HACD2: variants seen among roughly 807,000 people sequenced by gnomAD.
HACD2 encodes the protein very-long-chain (3R)-3-hydroxyacyl-CoA dehydratase 2.
Under a neutral mutation model 31.0 loss-of-function variants are expected in HACD2, and 15 were observed. The observed-to-expected ratio is 0.48, with a 90% CI of 0.32 to 0.75. The LOEUF (loss-of-function observed/expected upper bound fraction) is 0.75, where lower values mean the gene tolerates loss of function less well. Ranked by LOEUF, HACD2 falls within the 30% of genes least tolerant of loss-of-function variation. The pLI is 0.03. For synonymous variants in HACD2, 115 were observed against 122.2 expected (o/e 0.94, Z 0.39); for missense variants, 283 against 313.0 (o/e 0.90, Z 0.72).
chr3:123,529,608 G>A (rs541077773), intron 3 of HACD2, among the ~76,000 whole-genome samples: 1 of 152,174 alleles, frequency 6.6e-6, no homozygotes, highest in East Asian at 1.9e-4. Context: ...TACGCCTCTA[G>A]TACCAGTTCT....
intron 4 of HACD2, among the ~76,000 whole-genome samples, chr3:123,517,433 T>A (rs141517177): frequency 6.6e-6 from 1 of 152,336 alleles, no homozygotes; most frequent in East Asian, 1.9e-4. Flanking sequence ...ACACAGACAC[T>A]GCATCAGAAT....
chr3:123,535,492 T>G lies in HACD2; in HGVS notation c.293-7018A>C, dbSNP rs116838200. Among the ~76,000 whole-genome samples, 1,421 of 152,340 alleles carry G rather than the reference T, an allele frequency of 9.3e-3. 13 individuals are homozygous for G. Among genetic ancestry groups the G allele is most frequent in the Middle Eastern group, 0.037 (11 of 294 alleles). On this transcript the variant is annotated intron_variant, in intron 3 of 6. Coordinates refer to ENST00000383657, the MANE Select transcript of HACD2 (RefSeq NM_198402.5). ...CCAAAAAGCAATAGGTACAACTTAA[T>G]GCCATGTATTTTAAAACATGCTAGT...
At chr3:123,563,652 C>T (rs1462077194) in intron 3 of HACD2, among the ~76,000 whole-genome samples, 4 of 61,140 alleles carry the variant, frequency 6.5e-5, no homozygotes, top group Admixed American at 1.8e-4. Flanking sequence ...TATACACACA[C>T]ACACACACAC....
rs950303724 is a variant in HACD2, at chr3:123,493,167, A to T, written c.*1721T>A. The T allele has an allele frequency of 1.4e-4, 21 of 152,244 alleles. No homozygotes were observed. The highest frequency in any genetic ancestry group is 4.3e-4 in the African/African-American group (18 of 41,458). 9.4% of individuals were successfully genotyped at this position (152,244 alleles called of 1,614,324 possible). A position where few individuals can be genotyped will look rare whatever the true frequency, so the allele number is the denominator to read the frequency against. On this transcript the variant is annotated 3_prime_UTR_variant, in exon 7 of 7. Transcript: ENST00000383657. ...CAGGAGATCAAGACCATCCTGGCTA[A>T]CACGGTGAAACCCCGTCTCTACTAA...
intron 3 of HACD2, among the ~76,000 whole-genome samples, chr3:123,552,579 AAAG>A (rs1423035585): frequency 6.6e-6 from 1 of 152,234 alleles, no homozygotes; most frequent in Non-Finnish European, 1.5e-5. Context: ...GAAAATAGAA[AAAG>A]AAGATCAAAA....
chr3:123,548,869 C>T (rs2056588876), intron 3 of HACD2, among the ~76,000 whole-genome samples: 1 of 151,826 alleles, frequency 6.6e-6, no homozygotes, highest in Non-Finnish European at 1.5e-5. Context: ...AAGTGATCCT[C>T]CAGCTTTGGC....
chr3:123,543,056 T>C (rs1262653154), intron 3 of HACD2, among the ~76,000 whole-genome samples: 2 of 152,192 alleles, frequency 1.3e-5, no homozygotes, highest in South Asian at 2.1e-4. Flanking sequence ...GTTGGGAATA[T>C]TACATTCCAG....
intron 1 of HACD2, among the ~76,000 whole-genome samples, chr3:123,582,825 C>T (rs1049722989): frequency 2.0e-5 from 3 of 151,410 alleles, no homozygotes; most frequent in Admixed American, 6.6e-5. Context: ...TTTAAAATTA[C>T]GAATAAAGGG....
intron 2 of HACD2, among the ~76,000 whole-genome samples, chr3:123,570,947 C>CACACAT (rs1553763412): frequency 2.0e-5 from 3 of 147,486 alleles, no homozygotes; most frequent in Non-Finnish European, 4.5e-5. Context: ...CACACACATA[C>CACACAT]ACACACACAC....
rs2055765473 is a variant in HACD2 at position 123,491,790 on chromosome 3, G to GA, written c.*3097dup. On this transcript the variant is annotated 3_prime_UTR_variant, in exon 7 of 7. Transcript: ENST00000383657. ...TTACAATTTTGGTTTTCACAACATAGAAAAAATACAAAAATGACTATATAT... is the reference window on the plus strand; with the variant it reads ...TTACAATTTTGGTTTTCACAACATAGAAAAAAATACAAAAATGACTATATAT... 6.6e-6 allele frequency: 1 copy of GA among 152,358 alleles called. No homozygotes were observed. Among genetic ancestry groups the GA allele is most frequent in the Admixed American group, 6.6e-5 (1 of 15,262 alleles). 9.4% of individuals were successfully genotyped at this position (152,358 alleles called of 1,614,324 possible). A position where few individuals can be genotyped will look rare whatever the true frequency, so the allele number is the denominator to read the frequency against.
At chr3:123,548,654 G>T (rs917017439) in intron 3 of HACD2, among the ~76,000 whole-genome samples, 8 of 151,942 alleles carry the variant, frequency 5.3e-5, no homozygotes, top group Non-Finnish European at 7.4e-5. Flanking sequence ...ATGGGGTCTC[G>T]CTTGTCACTT....
At chr3:123,513,180 G>T (rs1324753140) in intron 4 of HACD2, among the ~76,000 whole-genome samples, 1 of 152,148 alleles carries the variant, frequency 6.6e-6, no homozygotes, top group Non-Finnish European at 1.5e-5. Context: ...ATAACCCATT[G>T]AATTATACAG....
chr3:123,577,841 C>A (rs1213425594), intron 2 of HACD2, among the ~76,000 whole-genome samples: 1 of 152,000 alleles, frequency 6.6e-6, no homozygotes, highest in South Asian at 2.1e-4. Context: ...TAGAAAACAC[C>A]CACAACTCAT....
chr3:123,515,455 C>A (rs1325862755), intron 4 of HACD2, among the ~76,000 whole-genome samples: 1 of 152,172 alleles, frequency 6.6e-6, no homozygotes, highest in Non-Finnish European at 1.5e-5. Context: ...GGCAACCCAA[C>A]TGCAGTCTCA....
At chr3:123,505,700 T>C (rs16834372) in intron 4 of HACD2, among the ~76,000 whole-genome samples, 4,546 of 152,256 alleles carry the variant, frequency 0.03, 76 homozygotes, top group Middle Eastern at 0.088. Context: ...TGAGACCCCA[T>C]TTAGGGAACA....
Position 123,548,833 on chromosome 3 carries a change from C to T in HACD2, c.292+18929G>A, listed in dbSNP as rs114470417. Among the ~76,000 whole-genome samples, 658 of 152,010 alleles carry T rather than the reference C, an allele frequency of 4.3e-3. 4 individuals carry two copies. The highest frequency in any genetic ancestry group is 0.015 in the African/African-American group (640 of 41,450). The stretch of plus-strand genomic sequence containing the variant: ...ATATATAGGGCCTCACTATATTGCC[C>T]AGGCTGGTCTTGAACTCCTAGGCTC... On this transcript the variant is annotated intron_variant, in intron 3 of 6. Transcript: ENST00000383657.
intron 3 of HACD2, among the ~76,000 whole-genome samples, chr3:123,561,951 A>G (rs770280078): frequency 1.3e-5 from 2 of 152,104 alleles, no homozygotes; most frequent in Non-Finnish European, 2.9e-5. Context: ...AGCTGGGACT[A>G]CAGGCGCCTG....
At chr3:123,509,921 G>A (rs1299124015) in intron 4 of HACD2, among the ~76,000 whole-genome samples, 1 of 152,062 alleles carries the variant, frequency 6.6e-6, no homozygotes, top group African/African-American at 2.4e-5. Context: ...AAACAACCTT[G>A]TAAGAACATG....
chr3:123,538,121 G>A (rs2056448158), intron 3 of HACD2, among the ~76,000 whole-genome samples: 1 of 152,144 alleles, frequency 6.6e-6, no homozygotes, highest in African/African-American at 2.4e-5. Context: ...GTTTTCAGGG[G>A]ACTGACAGAG....
Sources: gnomAD v4.1 joint callset for allele counts (sites outside exome capture counted in the v4.1 genomes callset) on GRCh38, gnomAD v4.1.1 for gene constraint, MANE v1.5 for transcripts, NCBI Gene and HGNC (gene_info 2026-07-23, HGNC 2026-07-21) for gene names.